ITPA: variants seen among roughly 807,000 people sequenced by gnomAD.
ITPA encodes the protein inosine triphosphatase.
ITPA carries 29 observed loss-of-function variants against 29.6 expected under a neutral mutation model. That is an observed-to-expected ratio of 0.98 (90% CI 0.73 to 1.34). The LOEUF is 1.34. Among genes scored for constraint, ITPA ranks in the 40% most tolerant of loss-of-function variants. The pLI is 0.00. For missense variants in ITPA, 241 were observed against 251.5 expected, an observed-to-expected ratio of 0.96 and a Z score of 0.28; for synonymous variants, 103 against 99.3, an observed-to-expected ratio of 1.04 and a Z score of -0.22.
chr20:3,215,656 A>C (rs1238233963), intron 5 of ITPA, among the ~76,000 whole-genome samples: 2 of 152,194 alleles, frequency 1.3e-5, no homozygotes, highest in Non-Finnish European at 2.9e-5. Context: ...CCTGTCACCC[A>C]CAGTTGCAAG....
chr20:3,225,112 G>T (rs980506152), downstream of ITPA, among the ~76,000 whole-genome samples: 2 of 152,106 alleles, frequency 1.3e-5, no homozygotes, highest in Admixed American at 6.6e-5. Context: ...TCCGAGGTGG[G>T]AGGATCCCGA....
intron 3 of ITPA, 91 bp downstream of exon 3, chr20:3,213,474 TTTG>T (rs2067220615): frequency 6.7e-7 from 1 of 1,498,650 alleles, no homozygotes; most frequent in Non-Finnish European, 9.2e-7. Flanking sequence ...GTAGACACAG[TTTG>T]TTGAGCTTTC....
At chr20:3,211,941 G>A (rs1345913161) in intron 1 of ITPA, among the ~76,000 whole-genome samples, 1 of 152,148 alleles carries the variant, frequency 6.6e-6, no homozygotes, top group African/African-American at 2.4e-5. Flanking sequence ...CCAGCACTTT[G>A]GGAGACTGAG....
In ITPA at chr20:3,223,736, T is replaced by A. The variant is rs2067527157; in HGVS notation, c.*274T>A. 1.1e-5 allele frequency: 6 copies of A among 537,414 alleles called. 1 individual carries two copies. The South Asian group carries it at 1.3e-4, about 11-fold the overall frequency. 33.3% of individuals were successfully genotyped at this position (537,414 alleles called of 1,614,324 possible). A position where few individuals can be genotyped will look rare whatever the true frequency, so the allele number is the denominator to read the frequency against. On this transcript the variant is annotated 3_prime_UTR_variant, in exon 8 of 8. Coordinates refer to ENST00000380113, the MANE Select transcript of ITPA (RefSeq NM_033453.4). The stretch of plus-strand genomic sequence containing the variant: ...GAAAGGACCTTGGGTGGTAAAGCTG[T>A]ACTTGGTGGGAGTGAGGGCGTGGGG...
chr20:3,205,179 C>G (rs2067062167), upstream of ITPA, among the ~76,000 whole-genome samples: 1 of 152,126 alleles, frequency 6.6e-6, no homozygotes, highest in Admixed American at 6.6e-5. Context: ...ACTAAACAAT[C>G]CCACATAGTG....
intron 4 of ITPA, among the ~76,000 whole-genome samples, chr20:3,214,603 A>G (rs1042859025): frequency 4.0e-5 from 6 of 151,544 alleles, no homozygotes; most frequent in Non-Finnish European, 5.9e-5. Flanking sequence ...TTTTGAGACA[A>G]GAGTCTCGCT....
intron 1 of ITPA, among the ~76,000 whole-genome samples, chr20:3,211,407 C>A (rs1250163933): frequency 6.6e-6 from 1 of 152,070 alleles, no homozygotes; most frequent in African/African-American, 2.4e-5. Flanking sequence ...CTCAAGTGAT[C>A]CACCCTCCAC....
At chr20:3,204,555 G>C (rs2067057590), upstream of ITPA, 1 of 1,573,372 alleles carries the variant, frequency 6.4e-7, no homozygotes, top group African/African-American at 1.3e-5. Flanking sequence ...GCCCGGCCCC[G>C]GCTGCGAGTC....
At chr20:3,222,729 A>G (rs1300556344) in intron 7 of ITPA, among the ~76,000 whole-genome samples, 2 of 152,238 alleles carry the variant, frequency 1.3e-5, no homozygotes, top group Non-Finnish European at 2.9e-5. Flanking sequence ...GTGAGGCCCC[A>G]CAATAGCCCC....
At chr20:3,217,147 C>A (rs540865171) in intron 5 of ITPA, among the ~76,000 whole-genome samples, 1 of 152,286 alleles carries the variant, frequency 6.6e-6, no homozygotes, top group Admixed American at 6.5e-5. Context: ...TTCCAAAATG[C>A]TGAGATTACA....
intron 7 of ITPA, 81 bp from the exon 8 acceptor site, chr20:3,223,285 G>C: frequency 9.8e-7 from 1 of 1,021,254 alleles, no homozygotes. Flanking sequence ...TGGTCTCCAG[G>C]GATGAGATGA....
intron 1 of ITPA, among the ~76,000 whole-genome samples, 168 bp from the exon 2 acceptor site, chr20:3,213,001 G>A (rs2067207687): frequency 6.6e-6 from 1 of 152,072 alleles, no homozygotes; most frequent in Admixed American, 6.6e-5. Context: ...GAAGGGGCTG[G>A]CTTGCTGGGG....
chr20:3,211,448 C>T (rs975162668), intron 1 of ITPA, among the ~76,000 whole-genome samples: 1 of 151,946 alleles, frequency 6.6e-6, no homozygotes, highest in Non-Finnish European at 1.5e-5. Flanking sequence ...GCTAGAATTA[C>T]AGGCATGAAC....
At chr20:3,219,160 C>T (rs1282860964) in intron 6 of ITPA, 1 of 152,366 alleles carries the variant, frequency 6.6e-6, no homozygotes, top group East Asian at 1.9e-4. Flanking sequence ...TCAGCCTTTC[C>T]AGCTTTTCAT....
At chr20:3,206,445 C>CCAACACT (rs2067070980), upstream of ITPA, among the ~76,000 whole-genome samples, 1 of 147,162 alleles carries the variant, frequency 6.8e-6, no homozygotes, top group Admixed American at 6.8e-5. Context: ...ACAATCCCAA[C>CCAACACT]CAACACTTTG....
At position 3,218,587 on chromosome 20, in the gene ITPA, C is replaced by T. The variant is rs1358256041; in HGVS notation, c.366C>T (p.Thr122=). Residue 122 remains threonine (T), a synonymous_variant, in exon 6 of 8, where the codon ACC becomes ACT. Transcript: ENST00000380113. ...AYALCTFALS[T]GDPSQPVRLF... ...CGCTCTGCACGTTTGCACTCAGCAC[C>T]GGGGACCCAAGCCAGCCCGTGCGCC... The T allele has an allele frequency of 2.5e-6, 4 of 1,613,868 alleles. No individual in the cohort carries two copies. The highest frequency in any genetic ancestry group is 2.2e-5 in the East Asian group (1 of 44,876).
intron 6 of ITPA, 100 bp downstream of exon 6, chr20:3,218,732 G>T (rs1318688786): frequency 1.2e-6 from 1 of 804,410 alleles, no homozygotes; most frequent in Non-Finnish European, 2.1e-6. Flanking sequence ...TGGGAGGGGC[G>T]CCTTGGGGCC....
chr20:3,225,452 A>G (rs2122473043), downstream of ITPA, among the ~76,000 whole-genome samples: 1 of 152,248 alleles, frequency 6.6e-6, no homozygotes, highest in South Asian at 2.1e-4. Flanking sequence ...GGTTTATTCA[A>G]TCATGCCTGC....
intron 4 of ITPA, 135 bp downstream of exon 4, chr20:3,214,193 A>G (rs2067239707): frequency 2.5e-6 from 2 of 785,712 alleles, no homozygotes; most frequent in African/African-American, 1.7e-5. Context: ...CCGAGGAAAG[A>G]CGGGATAGGA....
Sources: gnomAD v4.1 joint callset for allele counts (sites outside exome capture counted in the v4.1 genomes callset) on GRCh38, gnomAD v4.1.1 for gene constraint, MANE v1.5 for transcripts, NCBI Gene and HGNC (gene_info 2026-07-23, HGNC 2026-07-21) for gene names.